Variants in POU2F1 observed in about 807,000 individuals in gnomAD.
The protein encoded by POU2F1 is POU domain, class 2, transcription factor 1.
A neutral mutation model predicts 84.9 loss-of-function variants in POU2F1; 16 were observed. The ratio of observed to expected loss-of-function variants is 0.19; its 90% CI spans 0.13 to 0.29. The LOEUF (loss-of-function observed/expected upper bound fraction) is 0.29, where lower values mean the gene tolerates loss of function less well. POU2F1 is among the 10% of genes least tolerant of loss of function. POU2F1 has a pLI of 1.00. For missense variants in POU2F1, 738 were observed against 942.6 expected, an observed-to-expected ratio of 0.78 and a Z score of 2.84; for synonymous variants, 368 against 368.3, an observed-to-expected ratio of 1.00 and a Z score of 0.01.
chr1:167,358,491 GA>G (rs1334139233), intron 2 of POU2F1, among the ~76,000 whole-genome samples: 9 of 152,016 alleles, frequency 5.9e-5, no homozygotes, highest in Middle Eastern at 3.4e-3. Flanking sequence ...TGAATTTTTG[GA>G]AGCACTTGGG....
At chr1:167,244,990 A>G (rs764636466) in intron 1 of POU2F1, among the ~76,000 whole-genome samples, 1 of 152,182 alleles carries the variant, frequency 6.6e-6, no homozygotes, top group African/African-American at 2.4e-5. Flanking sequence ...GAAGTAACAC[A>G]ACTATGACAG....
chr1:167,264,616 C>T (rs184319640), intron 1 of POU2F1, among the ~76,000 whole-genome samples: 159 of 152,268 alleles, frequency 1.0e-3, no homozygotes, highest in African/African-American at 3.6e-3. Flanking sequence ...ATCCAAAATT[C>T]AGCCACTTCT....
At chr1:167,353,993 G>C (rs972671880) in intron 2 of POU2F1, among the ~76,000 whole-genome samples, 3 of 152,098 alleles carry the variant, frequency 2.0e-5, no homozygotes, top group Non-Finnish European at 4.4e-5. Context: ...ACTTAGATTT[G>C]CCTGTTTCCA....
intron 1 of POU2F1, among the ~76,000 whole-genome samples, chr1:167,242,846 C>T (rs1161309396): frequency 2.6e-5 from 4 of 152,200 alleles, no homozygotes; most frequent in Non-Finnish European, 5.9e-5. Context: ...AATGCTGTAT[C>T]TGTATATGTA....
chr1:167,412,331 G>T, intron 14 of POU2F1, 27 bp downstream of exon 14: 1 of 1,496,390 alleles, frequency 6.7e-7, no homozygotes, highest in Non-Finnish European at 9.0e-7. Flanking sequence ...TCTCATTCAC[G>T]TCTGAGGTGG....
At chr1:167,355,718 G>A (rs1210591691) in intron 2 of POU2F1, among the ~76,000 whole-genome samples, 2 of 151,990 alleles carry the variant, frequency 1.3e-5, no homozygotes, top group Non-Finnish European at 2.9e-5. Flanking sequence ...TCAAGCTGGT[G>A]TCAAACTCCT....
At chr1:167,406,631 AAAG>A (rs1649598382) in intron 13 of POU2F1, among the ~76,000 whole-genome samples, 1 of 152,360 alleles carries the variant, frequency 6.6e-6, no homozygotes, top group African/African-American at 2.4e-5. Flanking sequence ...TTCACCAAAA[AAAG>A]GTATCTAGGA....
chr1:167,349,759 TTTG>T (rs1169504504), intron 2 of POU2F1, among the ~76,000 whole-genome samples: 1 of 152,242 alleles, frequency 6.6e-6, no homozygotes, highest in African/African-American at 2.4e-5. Flanking sequence ...CTGGTTCTCA[TTTG>T]TTGTTGTTTT....
intron 1 of POU2F1, among the ~76,000 whole-genome samples, chr1:167,245,225 A>G (rs556187815): frequency 1.9e-3 from 292 of 151,766 alleles, no homozygotes; most frequent in African/African-American, 6.7e-3. Flanking sequence ...GCTAAAAGCT[A>G]TTATGTGACT....
At chr1:167,362,069 A>G (rs992265034) in intron 2 of POU2F1, among the ~76,000 whole-genome samples, 16 of 152,030 alleles carry the variant, frequency 1.1e-4, no homozygotes, top group Non-Finnish European at 4.4e-5. Flanking sequence ...TTTCTAGCTC[A>G]TACTTAACTT....
chr1:167,269,373 G>A (rs1652200935), intron 1 of POU2F1, among the ~76,000 whole-genome samples: 1 of 152,206 alleles, frequency 6.6e-6, no homozygotes, highest in Non-Finnish European at 1.5e-5. Context: ...TGTCAGGTTA[G>A]CAAGTCTATT....
chr1:167,368,539 G>A (rs1047792348), intron 3 of POU2F1, among the ~76,000 whole-genome samples: 7 of 151,950 alleles, frequency 4.6e-5, no homozygotes, highest in East Asian at 1.9e-4. Flanking sequence ...ACCCTGAAAC[G>A]TAATAAGTAA....
rs536850531 is a variant in POU2F1 at position 167,233,294 on chromosome 1, G to A, written c.61+12336G>A. Among the ~76,000 whole-genome samples, 55 of 151,422 alleles carry A rather than the reference G, an allele frequency of 3.6e-4. No homozygotes were observed. In the Middle Eastern group the frequency reaches 0.01, roughly 28 times the overall value. On this transcript the variant is annotated intron_variant, in intron 1 of 15. Coordinates refer to ENST00000367866, the MANE Select transcript of POU2F1 (RefSeq NM_002697.4). The stretch of plus-strand genomic sequence containing the variant: ...TGGTACCACAGGCGCACGCACCCAT[G>A]CCCAGCTAATTTTTTTTTTTTTTTG...
chr1:167,325,078 A>T (rs1226398819), intron 1 of POU2F1, among the ~76,000 whole-genome samples: 1 of 152,128 alleles, frequency 6.6e-6, no homozygotes, highest in African/African-American at 2.4e-5. Flanking sequence ...TATGTGTGTG[A>T]TGGGTTTGTT....
At chr1:167,281,897 C>T (rs999240946) in intron 1 of POU2F1, among the ~76,000 whole-genome samples, 2 of 152,148 alleles carry the variant, frequency 1.3e-5, no homozygotes, top group Non-Finnish European at 2.9e-5. Flanking sequence ...CCCTTTCAGG[C>T]CACACTTTTT....
At chr1:167,237,766 A>AAATTTTTTTTTTTTT (rs1557836583) in intron 1 of POU2F1, among the ~76,000 whole-genome samples, 1 of 58,034 alleles carries the variant, frequency 1.7e-5, no homozygotes. Flanking sequence ...ATATATATAT[A>AAATTTTTTTTTTTTT]TATATATTTT....
In POU2F1 at chr1:167,400,810, T is replaced by G. The variant is rs529248048; in HGVS notation, c.1450-641T>G. On this transcript the variant is annotated intron_variant, in intron 12 of 15. Transcript: ENST00000367866. ...ATGTCATTCCATACTGGCAGGCTTT[T>G]TAAACTAAGGTCAGCATTAAAAGCA... 3.3e-5 allele frequency among the ~76,000 whole-genome samples: 5 copies of G among 152,376 alleles called. No individual in the cohort carries two copies. In the South Asian group the frequency reaches 1.0e-3, roughly 32 times the overall value.
chr1:167,326,833 A>G (rs1656740071), intron 1 of POU2F1, among the ~76,000 whole-genome samples: 3 of 152,216 alleles, frequency 2.0e-5, no homozygotes, highest in South Asian at 2.1e-4. Flanking sequence ...TAGCTAATAT[A>G]TGAAAGACCA....
chr1:167,309,108 T>TC (rs948518224), intron 1 of POU2F1, among the ~76,000 whole-genome samples: 2 of 151,892 alleles, frequency 1.3e-5, no homozygotes, highest in African/African-American at 4.8e-5. Flanking sequence ...TAGTGGTTTT[T>TC]TTTTTTTTTC....
Sources: gnomAD v4.1 joint callset for allele counts (sites outside exome capture counted in the v4.1 genomes callset) on GRCh38, gnomAD v4.1.1 for gene constraint, MANE v1.5 for transcripts, NCBI Gene and HGNC (gene_info 2026-07-23, HGNC 2026-07-21) for gene names.